CERS4: variants seen among roughly 807,000 people sequenced by gnomAD.
The protein encoded by CERS4 is LAG1 homolog, ceramide synthase 4.
CERS4 carries 65 observed loss-of-function variants against 51.8 expected under a neutral mutation model. The observed-to-expected ratio is 1.26, with a 90% confidence interval of 1.03 to 1.54. The LOEUF is 1.54. CERS4 is among the 40% of genes most tolerant of loss of function. The pLI is 0.00. For synonymous variants in CERS4, 228 were observed against 208.4 expected, an observed-to-expected ratio of 1.09 and a Z score of -0.81; for missense variants, 563 against 500.4, an observed-to-expected ratio of 1.13 and a Z score of -1.19.
chr19:8,243,593 G>A (rs1968630389), intron 2 of CERS4, among the ~76,000 whole-genome samples: 1 of 151,592 alleles, frequency 6.6e-6, no homozygotes, highest in South Asian at 2.1e-4. Context: ...ATGCCTAAAT[G>A]TCAGTTGCCC....
chr19:8,246,593 C>T (rs1222044415), intron 2 of CERS4, among the ~76,000 whole-genome samples: 1 of 151,962 alleles, frequency 6.6e-6, no homozygotes, highest in African/African-American at 2.4e-5. Context: ...TAAATTTTAC[C>T]TTGAAAGGAA....
chr19:8,261,971 C>A lies in CERS4; in HGVS notation c.1047C>A (p.Ser349=). The change falls in exon 12 of 12, where the codon TCC becomes TCA. Residue 349 remains serine, a synonymous_variant. Transcript: ENST00000251363. ...DIRSDVEESD[S]SEEAAAAQEP... Reference sequence around the variant, plus strand: ...GTAGTGATGTAGAAGAATCAGACTCCAGTGAGGAGGCGGCGGCGGCCCAGG... The same window carrying A: ...GTAGTGATGTAGAAGAATCAGACTCAAGTGAGGAGGCGGCGGCGGCCCAGG... 1 of 1,604,144 alleles carries A rather than the reference C, an allele frequency of 6.2e-7. No homozygotes were observed. The highest frequency in any genetic ancestry group is 1.1e-5 in the South Asian group (1 of 89,970).
At chr19:8,247,128 G>T (rs2967619) in intron 2 of CERS4, among the ~76,000 whole-genome samples, 61,085 of 152,000 alleles carry the variant, frequency 0.4, 12,909 homozygotes, top group Non-Finnish European at 0.48. Context: ...ATCGTGCCAC[G>T]GTACTCCAGG....
At chr19:8,215,478 C>CAAA (rs571513195) in intron 2 of CERS4, among the ~76,000 whole-genome samples, 1 of 128,528 alleles carries the variant, frequency 7.8e-6, no homozygotes, top group East Asian at 2.2e-4. Context: ...GACTCTGTCT[C>CAAA]AAAAAAAAAA....
intron 2 of CERS4, among the ~76,000 whole-genome samples, chr19:8,225,362 G>A (rs541375277): frequency 3.3e-4 from 50 of 151,958 alleles, no homozygotes; most frequent in African/African-American, 1.1e-3. Flanking sequence ...GGGACAGAGA[G>A]GTGGCAGTGG....
At chr19:8,219,149 G>A (rs929822951) in intron 2 of CERS4, among the ~76,000 whole-genome samples, 3 of 152,178 alleles carry the variant, frequency 2.0e-5, no homozygotes, top group Non-Finnish European at 2.9e-5. Context: ...GGAGGTTGCC[G>A]TGAGCCTAGA....
chr19:8,255,788 TCTG>T (rs759152328), intron 5 of CERS4, 31 bp from the exon 6 acceptor site: 4 of 1,613,054 alleles, frequency 2.5e-6, no homozygotes, highest in East Asian at 2.2e-5. Context: ...GGGGCGGGTG[TCTG>T]CTATTTTCAC....
intron 2 of CERS4, among the ~76,000 whole-genome samples, chr19:8,223,314 T>A (rs1177485845): frequency 2.7e-5 from 4 of 150,082 alleles, no homozygotes; most frequent in Non-Finnish European, 5.9e-5. Context: ...TACAAAAAAA[T>A]TTTCTTTTTT....
At chr19:8,246,312 C>CT (rs1853768421) in intron 2 of CERS4, among the ~76,000 whole-genome samples, 1 of 151,904 alleles carries the variant, frequency 6.6e-6, no homozygotes, top group Non-Finnish European at 1.5e-5. Context: ...AATCCCAACA[C>CT]TTCGGGAGGC....
intron 10 of CERS4, among the ~76,000 whole-genome samples, chr19:8,259,595 C>T (rs1030612145): frequency 2.0e-5 from 3 of 151,868 alleles, no homozygotes; most frequent in Admixed American, 1.3e-4. Flanking sequence ...CCAGGGTAGG[C>T]GAGAGAAGTG....
intron 2 of CERS4, among the ~76,000 whole-genome samples, chr19:8,246,146 CA>C (rs1968778547): frequency 1.3e-5 from 2 of 151,146 alleles, no homozygotes; most frequent in Non-Finnish European, 2.9e-5. Context: ...GATGACAGGA[CA>C]GGGGTGGAGG....
At chr19:8,217,892 C>T (rs1275600671) in intron 2 of CERS4, among the ~76,000 whole-genome samples, 1 of 152,116 alleles carries the variant, frequency 6.6e-6, no homozygotes. Context: ...AGACTGGTCT[C>T]GAACTCCTGA....
chr19:8,216,663 C>T (rs1000922481), intron 2 of CERS4, among the ~76,000 whole-genome samples: 10 of 152,058 alleles, frequency 6.6e-5, no homozygotes, highest in Non-Finnish European at 7.3e-5. Context: ...CCACCATGTC[C>T]AGAATATTGG....
intron 2 of CERS4, among the ~76,000 whole-genome samples, chr19:8,229,690 G>T (rs974207386): frequency 1.3e-5 from 2 of 152,058 alleles, no homozygotes; most frequent in African/African-American, 2.4e-5. Context: ...AGGATTACAG[G>T]TGTGAGCCAA....
At chr19:8,255,763 G>T (rs62124261) in intron 5 of CERS4, 38 bp downstream of exon 5, 5 of 1,595,236 alleles carry the variant, frequency 3.1e-6, no homozygotes, top group Non-Finnish European at 8.6e-7. Flanking sequence ...GCAGGGAAGC[G>T]GGCCGGGGTG....
intron 2 of CERS4, among the ~76,000 whole-genome samples, chr19:8,244,410 T>C (rs1471527574): frequency 2.6e-5 from 4 of 152,234 alleles, no homozygotes; most frequent in African/African-American, 7.2e-5. Context: ...TATTATTAAC[T>C]AAAATCATCA....
chr19:8,224,182 G>A (rs1967684954), intron 2 of CERS4, among the ~76,000 whole-genome samples: 1 of 151,460 alleles, frequency 6.6e-6, no homozygotes, highest in African/African-American at 2.4e-5. Context: ...GCCAAGGCGG[G>A]CGGATCACGA....
intron 9 of CERS4, 31 bp from the exon 10 acceptor site, chr19:8,257,848 T>G (rs763891387): frequency 2.6e-6 from 4 of 1,563,796 alleles, no homozygotes; most frequent in African/African-American, 1.4e-5. Context: ...GCCCTGGTCC[T>G]GAGCCCATTT....
At chr19:8,248,906 T>C (rs1115199) in intron 2 of CERS4, among the ~76,000 whole-genome samples, 54,520 of 145,308 alleles carry the variant, frequency 0.38, 11,584 homozygotes, top group Non-Finnish European at 0.49. Flanking sequence ...GGTGGACATA[T>C]GGATGATGGG....
Sources: allele counts gnomAD v4.1 joint callset (sites outside exome capture counted in the v4.1 genomes callset), GRCh38; gene constraint gnomAD v4.1.1; transcripts MANE v1.5; gene names NCBI Gene and HGNC (gene_info 2026-07-23, HGNC 2026-07-21).